The following SINHCAF variants were observed in gnomAD, a reference collection of about 807,000 sequenced individuals.
SINHCAF encodes SIN3-HDAC complex-associated factor.
A neutral mutation model predicts 25.8 loss-of-function variants in SINHCAF; 3 were observed. The observed-to-expected ratio is 0.12, with a 90% confidence interval of 0.05 to 0.30. SINHCAF has a LOEUF of 0.30. Among genes scored for constraint, SINHCAF ranks in the 10% least tolerant of loss-of-function variants. The pLI is 1.00. For synonymous variants in SINHCAF, 70 were observed against 85.5 expected (o/e 0.82, Z 1.00); for missense variants, 121 against 262.3 (o/e 0.46, Z 3.72).
chr12:31,286,209 T>C (rs1054951982), intron 5 of SINHCAF, among the ~76,000 whole-genome samples: 1 of 152,206 alleles, frequency 6.6e-6, no homozygotes, highest in African/African-American at 2.4e-5. Context: ...ATGTATTATG[T>C]ACTTTTGTCC....
chr12:31,290,965 T>G (rs1938286423), intron 4 of SINHCAF, among the ~76,000 whole-genome samples: 1 of 151,886 alleles, frequency 6.6e-6, no homozygotes, highest in African/African-American at 2.4e-5. Context: ...GTGATCCACC[T>G]GCCTCGGCCT....
rs913164965 is a variant in SINHCAF, at chr12:31,324,932, G to A, written c.-21+1092C>T. On this transcript the variant is annotated intron_variant, in intron 1 of 5. Coordinates refer to ENST00000337682, the MANE Select transcript of SINHCAF (RefSeq NM_001135812.2). The surrounding 1 kb of genome is among the most constrained non-coding windows in gnomAD (Gnocchi z 5.5). The stretch of plus-strand genomic sequence containing the variant: ...TTAAACTGGCAAGACGCCATCATCA[G>A]CAAACCACATTGTCCTGCCGGCCGG... 1 of 455,766 alleles carries A rather than the reference G, an allele frequency of 2.2e-6. No homozygotes were observed. The highest frequency in any genetic ancestry group is 2.4e-5 in the Admixed American group (1 of 42,500). The allele number at this position is 455,766 out of a possible 1,614,324, so 28.2% of individuals were successfully genotyped here.
At chr12:31,308,203 G>C (rs971681689) in intron 1 of SINHCAF, among the ~76,000 whole-genome samples, 1 of 152,184 alleles carries the variant, frequency 6.6e-6, no homozygotes, top group Admixed American at 6.5e-5. Context: ...GCTTCTCAAA[G>C]TGCTGGGATT....
intron 1 of SINHCAF, among the ~76,000 whole-genome samples, chr12:31,312,781 G>T (rs1052813825): frequency 6.6e-6 from 1 of 152,162 alleles, no homozygotes; most frequent in African/African-American, 2.4e-5. Flanking sequence ...CAAATTATCA[G>T]CATTTTCTTT....
chr12:31,283,912 A>C (rs770002902), intron 5 of SINHCAF, among the ~76,000 whole-genome samples: 8 of 150,706 alleles, frequency 5.3e-5, no homozygotes, highest in Non-Finnish European at 1.0e-4. Flanking sequence ...TGTATTCTGC[A>C]ATGTTTTAGT....
intron 1 of SINHCAF, among the ~76,000 whole-genome samples, chr12:31,323,765 G>A (rs1939811070): frequency 6.6e-6 from 1 of 151,806 alleles, no homozygotes; most frequent in Non-Finnish European, 1.5e-5. Context: ...ACTTCCCTTA[G>A]TAGGGCAACA....
At chr12:31,286,308 T>A (rs191889526) in intron 5 of SINHCAF, among the ~76,000 whole-genome samples, 1 of 152,202 alleles carries the variant, frequency 6.6e-6, no homozygotes, top group East Asian at 1.9e-4. Flanking sequence ...CTTAAAGGAA[T>A]GTTCAAATTT....
At position 31,290,806 on chromosome 12, in the gene SINHCAF, G is replaced by A. The variant is rs1592959818; in HGVS notation, c.355+2999C>T. Among the ~76,000 whole-genome samples, 4 of 152,104 alleles carry A rather than the reference G, an allele frequency of 2.6e-5. No individual in the cohort carries two copies. The East Asian group carries it at 7.7e-4, about 29-fold the overall frequency. On this transcript the variant is annotated intron_variant, in intron 4 of 5. Coordinates refer to ENST00000337682, the MANE Select transcript of SINHCAF (RefSeq NM_001135812.2). ...ACAATCTCGGCTCACCACAACCTCT[G>A]CCTCCCAGGTTCAAGCAATTTTCTT...
At chr12:31,314,369 A>G (rs1592987094) in intron 1 of SINHCAF, among the ~76,000 whole-genome samples, 1 of 150,832 alleles carries the variant, frequency 6.6e-6, no homozygotes, top group African/African-American at 2.4e-5. Flanking sequence ...CTAAAAATAC[A>G]AAAAAAAATA....
chr12:31,307,854 T>C (rs1309075889), intron 1 of SINHCAF, among the ~76,000 whole-genome samples: 2 of 152,186 alleles, frequency 1.3e-5, no homozygotes, highest in Non-Finnish European at 2.9e-5. Flanking sequence ...CCTATAGGTC[T>C]GAGTCAACAT....
intron 1 of SINHCAF, chr12:31,311,877 A>G: frequency 2.0e-6 from 1 of 499,950 alleles, no homozygotes; most frequent in Middle Eastern, 4.6e-4. Flanking sequence ...TCACTTGATG[A>G]AGGTGGCATC....
Position 31,325,306 on chromosome 12 carries a change from A to T in SINHCAF, c.-21+718T>A. 2.2e-6 allele frequency: 1 copy of T among 448,350 alleles called. No individual in the cohort carries two copies. Among genetic ancestry groups the T allele is most frequent in the Non-Finnish European group, 4.5e-6 (1 of 222,996 alleles). 27.8% of individuals were successfully genotyped at this position (448,350 alleles called of 1,614,324 possible). On this transcript the variant is annotated intron_variant, in intron 1 of 5. Coordinates refer to ENST00000337682, the MANE Select transcript of SINHCAF (RefSeq NM_001135812.2). The surrounding 1 kb of genome is among the most constrained non-coding windows in gnomAD (Gnocchi z 5.9). ...CGGTCCGAAGAGGGCAGGCGAGTGG[A>T]AGACGGGCTGTTTTTAAGCGACCGC... is the stretch of plus-strand genomic sequence containing the variant.
intron 2 of SINHCAF, among the ~76,000 whole-genome samples, chr12:31,295,579 A>G (rs1330298034): frequency 6.6e-6 from 1 of 152,198 alleles, no homozygotes; most frequent in Non-Finnish European, 1.5e-5. Flanking sequence ...TTTAAAATTA[A>G]ATAGGCCAGG....
intron 2 of SINHCAF, among the ~76,000 whole-genome samples, chr12:31,297,684 G>A (rs146772904): frequency 1.9e-4 from 29 of 151,752 alleles, no homozygotes; most frequent in African/African-American, 6.0e-4. Context: ...TGTTGGCCAG[G>A]ATGGTCTCGA....
chr12:31,287,567 G>T (rs1239403532), intron 5 of SINHCAF, 67 bp downstream of exon 5: 1 of 1,267,448 alleles, frequency 7.9e-7, no homozygotes, highest in Non-Finnish European at 1.1e-6. Context: ...AATTGCTAAG[G>T]AAGTAGAAAA....
At chr12:31,290,048 G>A (rs1938242024) in intron 4 of SINHCAF, among the ~76,000 whole-genome samples, 2 of 152,010 alleles carry the variant, frequency 1.3e-5, no homozygotes, top group Non-Finnish European at 1.5e-5. Context: ...GACTGGTCTG[G>A]AGCTCCTAGC....
At chr12:31,309,127 C>CAAAAA (rs757095598) in intron 1 of SINHCAF, among the ~76,000 whole-genome samples, 3 of 75,406 alleles carry the variant, frequency 4.0e-5, no homozygotes, top group African/African-American at 1.0e-4. Context: ...GATTCTGTCT[C>CAAAAA]AAAAAAAAAA....
chr12:31,320,129 A>C (rs929353266), intron 1 of SINHCAF, among the ~76,000 whole-genome samples: 2 of 152,126 alleles, frequency 1.3e-5, no homozygotes, highest in Non-Finnish European at 2.9e-5. Flanking sequence ...TATCTTCCTA[A>C]AGTTCAACTA....
intron 1 of SINHCAF, among the ~76,000 whole-genome samples, chr12:31,315,381 C>T (rs1939459839): frequency 6.6e-6 from 1 of 152,188 alleles, no homozygotes; most frequent in African/African-American, 2.4e-5. Flanking sequence ...AAATATTTAA[C>T]AAACTCCAGT....
Sources: gnomAD v4.1 joint callset for allele counts (sites outside exome capture counted in the v4.1 genomes callset) on GRCh38, gnomAD v4.1.1 for gene constraint, Gnocchi (gnomAD v3.1) non-coding constraint, MANE v1.5 for transcripts, NCBI Gene and HGNC (gene_info 2026-07-23, HGNC 2026-07-21) for gene names.